The following FBXW11 variants were observed in gnomAD, a reference collection of about 807,000 sequenced individuals.
FBXW11 encodes the protein F-box/WD repeat-containing protein 11.
A neutral mutation model predicts 77.6 loss-of-function variants in FBXW11; 19 were observed. The observed-to-expected ratio is 0.24, with a 90% CI of 0.17 to 0.36. FBXW11 has a LOEUF of 0.36. Among genes scored for constraint, FBXW11 ranks in the 10% least tolerant of loss-of-function variants. The probability of loss-of-function intolerance (pLI) is 1.00; values close to 1 mark genes in which losing one functional copy is unlikely to be tolerated. For missense variants in FBXW11, 334 were observed against 704.2 expected, an observed-to-expected ratio of 0.47 and a Z score of 5.95; for synonymous variants, 235 against 249.4, an observed-to-expected ratio of 0.94 and a Z score of 0.54.
chr5:171,867,097 G>A (rs1162570760), intron 13 of FBXW11, among the ~76,000 whole-genome samples: 1 of 152,208 alleles, frequency 6.6e-6, no homozygotes, highest in Non-Finnish European at 1.5e-5. Context: ...ACCAAACTGA[G>A]TTGGCATGAA....
chr5:171,903,248 C>T (rs953473220), intron 4 of FBXW11, among the ~76,000 whole-genome samples: 13 of 152,046 alleles, frequency 8.6e-5, no homozygotes, highest in African/African-American at 3.1e-4. Flanking sequence ...AGGCACATGC[C>T]TCCACACCCA....
Position 171,876,365 on chromosome 5 carries a change from C to T in FBXW11, c.1141G>A (p.Val381Ile). 1 of 1,614,148 alleles carries T rather than the reference C, an allele frequency of 6.2e-7. No homozygotes were observed. Residue 381 changes from valine (V) to isoleucine (I), a missense_variant, in exon 9 of 14, where the codon GTT becomes ATT. Around this residue, in one of 10 missense-constraint regions of FBXW11, gnomAD observed 50 missense variants for 119.6 expected, o/e 0.42. Coordinates refer to ENST00000517395, the MANE Select transcript of FBXW11 (RefSeq NM_001378974.1). The surrounding 1 kb of genome is among the most constrained non-coding windows in gnomAD (Gnocchi z 4.2). Reference sequence around the variant, plus strand: ...ACATTGACGGCAGCCCGGTGGCCAACCAGGACACGGCGTAAAGTGATGTCG... The same window carrying T: ...ACATTGACGGCAGCCCGGTGGCCAATCAGGACACGGCGTAAAGTGATGTCG... ...ATDITLRRVL[V>I]GHRAAVNVVD... is the part of the protein sequence containing the mutation.
At chr5:171,867,440 A>G (rs1162430224) in intron 13 of FBXW11, among the ~76,000 whole-genome samples, 2 of 151,660 alleles carry the variant, frequency 1.3e-5, no homozygotes, top group African/African-American at 4.8e-5. Flanking sequence ...AACTATTCTT[A>G]GCCTGTGGAG....
At chr5:172,005,972 G>C (rs1364758589) in intron 1 of FBXW11, among the ~76,000 whole-genome samples, 1 of 152,180 alleles carries the variant, frequency 6.6e-6, no homozygotes, top group Non-Finnish European at 1.5e-5. Flanking sequence ...ACCTAGGCTG[G>C]GGAGTGGGTG....
At chr5:171,935,588 C>T (rs1020100463) in intron 2 of FBXW11, among the ~76,000 whole-genome samples, 65 of 151,892 alleles carry the variant, frequency 4.3e-4, no homozygotes, top group South Asian at 6.2e-4. Context: ...TCAATCCCCA[C>T]CCCAAATTTT....
chr5:171,970,532 C>T (rs1001536227), intron 1 of FBXW11, among the ~76,000 whole-genome samples: 1 of 151,946 alleles, frequency 6.6e-6, no homozygotes, highest in South Asian at 2.1e-4. Context: ...TTAAACAAGC[C>T]CTCTACTATT....
chr5:171,973,754 G>T (rs777804374), intron 1 of FBXW11, among the ~76,000 whole-genome samples: 1 of 152,192 alleles, frequency 6.6e-6, no homozygotes, highest in Non-Finnish European at 1.5e-5. Flanking sequence ...GAAAACTGGG[G>T]AGTGTTGGGG....
At chr5:171,866,301 A>G (rs1459084287) in intron 13 of FBXW11, among the ~76,000 whole-genome samples, 1 of 152,194 alleles carries the variant, frequency 6.6e-6, no homozygotes, top group Admixed American at 6.5e-5. Flanking sequence ...AAAGAGCAGT[A>G]AAATCTATAA....
intron 1 of FBXW11, among the ~76,000 whole-genome samples, chr5:171,968,334 T>C (rs1764334475): frequency 6.6e-6 from 1 of 152,032 alleles, no homozygotes; most frequent in South Asian, 2.1e-4. Flanking sequence ...GGCAGGCACC[T>C]GCAGTCCCAG....
At chr5:171,907,800 A>G (rs958484798) in intron 4 of FBXW11, among the ~76,000 whole-genome samples, 1 of 152,194 alleles carries the variant, frequency 6.6e-6, no homozygotes, top group African/African-American at 2.4e-5. Flanking sequence ...AACCATATTT[A>G]TATACATAAC....
chr5:171,996,502 A>G (rs1044206810), intron 1 of FBXW11, among the ~76,000 whole-genome samples: 1 of 152,196 alleles, frequency 6.6e-6, no homozygotes, highest in African/African-American at 2.4e-5. Context: ...CCCTGTCTCT[A>G]CAAAAAAGAA....
At chr5:171,957,161 G>A (rs1231238879) in intron 2 of FBXW11, among the ~76,000 whole-genome samples, 1 of 152,204 alleles carries the variant, frequency 6.6e-6, no homozygotes, top group East Asian at 1.9e-4. Context: ...TTCCCTCCCC[G>A]CTCCTTTTTT....
chr5:171,993,222 T>C (rs1241612335), intron 1 of FBXW11, among the ~76,000 whole-genome samples: 3 of 152,042 alleles, frequency 2.0e-5, no homozygotes, highest in African/African-American at 4.8e-5. Flanking sequence ...GAAGAGAATA[T>C]TCCAGTCATT....
chr5:171,981,225 T>C (rs1438731526), intron 1 of FBXW11, among the ~76,000 whole-genome samples: 1 of 152,104 alleles, frequency 6.6e-6, no homozygotes, highest in Non-Finnish European at 1.5e-5. Context: ...GAGGATGGTA[T>C]ACCCCAACTT....
At position 171,904,860 on chromosome 5, in the gene FBXW11, G is replaced by A. The variant is rs1448807631; in HGVS notation, c.437-4760C>T. On this transcript the variant is annotated intron_variant, in intron 4 of 13. Coordinates refer to ENST00000517395, the MANE Select transcript of FBXW11 (RefSeq NM_001378974.1). This position sits in a 1 kb window ranked among gnomAD's most constrained non-coding sequence, Gnocchi z 4.0. ...GCTGGGATTACAGGTGTGAGCCACCGTGCCCAGCCAGGAATCTGTATTTTT... is the reference window on the plus strand; with the variant it reads ...GCTGGGATTACAGGTGTGAGCCACCATGCCCAGCCAGGAATCTGTATTTTT... Among the ~76,000 whole-genome samples, 9 of 151,962 alleles carry A rather than the reference G, an allele frequency of 5.9e-5. No homozygotes were observed. Among genetic ancestry groups the A allele is most frequent in the East Asian group, 3.9e-4 (2 of 5,180 alleles).
chr5:171,867,815 T>C (rs558089489), intron 13 of FBXW11: 11 of 152,378 alleles, frequency 7.2e-5, no homozygotes, highest in African/African-American at 2.4e-4. Flanking sequence ...ACAGTCTTTA[T>C]ATACATATAT....
chr5:171,952,198 G>A (rs1763354850), intron 2 of FBXW11, among the ~76,000 whole-genome samples: 1 of 151,334 alleles, frequency 6.6e-6, no homozygotes, highest in Non-Finnish European at 1.5e-5. Context: ...TGCACAATTT[G>A]ATGGATTCCT....
chr5:171,867,500 A>G (rs1209639208), intron 13 of FBXW11, among the ~76,000 whole-genome samples: 1 of 151,952 alleles, frequency 6.6e-6, no homozygotes, highest in Non-Finnish European at 1.5e-5. Flanking sequence ...TTAAAAAAAA[A>G]AAAAACGGGT....
At chr5:171,985,123 A>G (rs1237134949) in intron 1 of FBXW11, among the ~76,000 whole-genome samples, 4 of 152,164 alleles carry the variant, frequency 2.6e-5, no homozygotes, top group East Asian at 1.9e-4. Context: ...TCTTCATACC[A>G]TCTGTTACTA....
Sources: allele counts gnomAD v4.1 joint callset (sites outside exome capture counted in the v4.1 genomes callset), GRCh38; gene constraint gnomAD v4.1.1; regional missense constraint gnomAD v4.1.1; non-coding constraint Gnocchi (gnomAD v3.1); transcripts MANE v1.5; gene names NCBI Gene and HGNC (gene_info 2026-07-23, HGNC 2026-07-21).